Variants in SLC38A9 observed in about 807,000 individuals in gnomAD.
SLC38A9 encodes neutral amino acid transporter 9.
SLC38A9 carries 48 observed loss-of-function variants against 62.3 expected under a neutral mutation model. The ratio of observed to expected loss-of-function variants is 0.77; its 90% CI spans 0.61 to 0.98. The LOEUF is 0.98. SLC38A9 is among the 50% of genes least tolerant of loss of function. SLC38A9 has a pLI of 0.00. For synonymous variants in SLC38A9, 204 were observed against 227.7 expected, an observed-to-expected ratio of 0.90 and a Z score of 0.94; for missense variants, 541 against 679.8, an observed-to-expected ratio of 0.80 and a Z score of 2.27.
chr5:55,627,632 A>G (rs1434448256), intron 15 of SLC38A9, among the ~76,000 whole-genome samples: 1 of 151,822 alleles, frequency 6.6e-6, no homozygotes, highest in Non-Finnish European at 1.5e-5. Flanking sequence ...AAAGTGGAAG[A>G]TGATGAGAGA....
At chr5:55,675,839 T>G (rs981063686) in intron 3 of SLC38A9, among the ~76,000 whole-genome samples, 2 of 152,150 alleles carry the variant, frequency 1.3e-5, no homozygotes, top group African/African-American at 4.8e-5. Flanking sequence ...ACTCCTTAAA[T>G]TCCTTAAAAA....
chr5:55,636,327 C>T lies in SLC38A9; in HGVS notation c.1168-670G>A, dbSNP rs116732608. On this transcript the variant is annotated intron_variant, in intron 12 of 15. Transcript: ENST00000396865. ...TAAAGCGGACTGCTTTCTTCTATTG[C>T]GGTTCCCACCCTCCCAACCTCCCAT... Among the ~76,000 whole-genome samples the T allele has an allele frequency of 4.8e-3, 724 of 152,210 alleles. 3 individuals carry two copies. Among genetic ancestry groups the T allele is most frequent in the African/African-American group, 0.016 (684 of 41,554 alleles).
intron 14 of SLC38A9, among the ~76,000 whole-genome samples, chr5:55,632,859 T>C (rs1401736650): frequency 6.6e-6 from 1 of 151,904 alleles, no homozygotes; most frequent in Non-Finnish European, 1.5e-5. Flanking sequence ...CTTGCTGGAG[T>C]TCCCCACTCA....
At chr5:55,711,820 G>A (rs1758086532) in intron 1 of SLC38A9, among the ~76,000 whole-genome samples, 1 of 152,154 alleles carries the variant, frequency 6.6e-6, no homozygotes, top group African/African-American at 2.4e-5. Context: ...AGAGAAAGAA[G>A]GGTGCTCCCA....
At chr5:55,689,573 A>G (rs1415814663) in intron 3 of SLC38A9, among the ~76,000 whole-genome samples, 3 of 152,210 alleles carry the variant, frequency 2.0e-5, no homozygotes, top group African/African-American at 4.8e-5. Flanking sequence ...GACTAAATAT[A>G]TACTTGGATG....
chr5:55,691,566 A>G (rs1221616284), intron 3 of SLC38A9, among the ~76,000 whole-genome samples: 1 of 152,254 alleles, frequency 6.6e-6, no homozygotes, highest in Non-Finnish European at 1.5e-5. Context: ...TCCCCAGGGC[A>G]TAGTCCGAGA....
At chr5:55,633,614 A>T in intron 14 of SLC38A9, 140 bp downstream of exon 14, 1 of 1,121,506 alleles carries the variant, frequency 8.9e-7, no homozygotes, top group Non-Finnish European at 1.2e-6. Flanking sequence ...TTCAGGGAAG[A>T]GGACACCAAT....
intron 2 of SLC38A9, among the ~76,000 whole-genome samples, chr5:55,706,748 T>TAGTC (rs1158334014): frequency 2.0e-5 from 3 of 152,184 alleles, no homozygotes; most frequent in Non-Finnish European, 2.9e-5. Context: ...TTGTCTCAAT[T>TAGTC]AGTCAATTAG....
intron 9 of SLC38A9, among the ~76,000 whole-genome samples, chr5:55,654,272 C>T (rs967689905): frequency 1.2e-4 from 18 of 151,960 alleles, no homozygotes; most frequent in African/African-American, 4.1e-4. Context: ...TGCTTTTTTT[C>T]TTCTACGCTC....
intron 10 of SLC38A9, among the ~76,000 whole-genome samples, 155 bp downstream of exon 10, chr5:55,652,374 A>AAAG (rs1554055197): frequency 1.1e-4 from 16 of 150,428 alleles, no homozygotes; most frequent in African/African-American, 3.9e-4. Flanking sequence ...AAAAAAAAAA[A>AAAG]AAAGAAAGAA....
intron 3 of SLC38A9, among the ~76,000 whole-genome samples, chr5:55,681,590 T>C (rs552370445): frequency 3.7e-4 from 57 of 152,356 alleles, no homozygotes; most frequent in Non-Finnish European, 7.2e-4. Context: ...GCTGTTTTGT[T>C]GTCCAAAGAG....
At chr5:55,669,447 C>G in intron 6 of SLC38A9, 110 bp downstream of exon 6, 1 of 1,292,314 alleles carries the variant, frequency 7.7e-7, no homozygotes, top group South Asian at 1.4e-5. Flanking sequence ...ATATAACCAT[C>G]TATTTTCTTT....
At chr5:55,689,760 T>A (rs115335830) in intron 3 of SLC38A9, among the ~76,000 whole-genome samples, 140 of 152,308 alleles carry the variant, frequency 9.2e-4, no homozygotes, top group African/African-American at 3.1e-3. Flanking sequence ...AACTTATGAT[T>A]TTTTGACTTT....
chr5:55,643,721 A>G (rs1045336691), intron 12 of SLC38A9, among the ~76,000 whole-genome samples: 2 of 152,196 alleles, frequency 1.3e-5, no homozygotes, highest in Non-Finnish European at 2.9e-5. Context: ...CTGGGTACAT[A>G]TACATTTAGG....
intron 3 of SLC38A9, among the ~76,000 whole-genome samples, chr5:55,680,232 G>T (rs879628024): frequency 1.6e-4 from 25 of 152,138 alleles, no homozygotes; most frequent in African/African-American, 5.1e-4. Flanking sequence ...TATATAGAGA[G>T]AGAGAGATAC....
chr5:55,660,989 T>C (rs1749420744), intron 8 of SLC38A9, among the ~76,000 whole-genome samples: 1 of 147,138 alleles, frequency 6.8e-6, no homozygotes, highest in South Asian at 2.1e-4. Context: ...AAAAACTGCA[T>C]ATTTGTATAT....
At chr5:55,661,856 T>G (rs757521573) in intron 8 of SLC38A9, among the ~76,000 whole-genome samples, 1 of 152,118 alleles carries the variant, frequency 6.6e-6, no homozygotes, top group Admixed American at 6.5e-5. Context: ...AACAACCCGA[T>G]AGAAAAATGG....
At chr5:55,672,450 G>T in intron 4 of SLC38A9, 113 bp downstream of exon 4, 1 of 1,212,426 alleles carries the variant, frequency 8.2e-7, no homozygotes, top group Non-Finnish European at 1.2e-6. Flanking sequence ...GCATGATGCT[G>T]TCCTTGAAAT....
intron 13 of SLC38A9, 117 bp downstream of exon 13, chr5:55,635,427 G>A (rs752545097): frequency 1.3e-6 from 1 of 751,992 alleles, no homozygotes; most frequent in Non-Finnish European, 2.4e-6. Context: ...GTAGATAGCA[G>A]AGATGGTATT....
Sources: allele counts gnomAD v4.1 joint callset (sites outside exome capture counted in the v4.1 genomes callset), GRCh38; gene constraint gnomAD v4.1.1; transcripts MANE v1.5; gene names NCBI Gene and HGNC (gene_info 2026-07-23, HGNC 2026-07-21).